The following ZNF385D variants were observed in gnomAD, a reference collection of about 807,000 sequenced individuals.
ZNF385D encodes zinc finger protein 659.
In ZNF385D, 15 loss-of-function variants were observed where a neutral mutation model predicts 35.8. That is an observed-to-expected ratio of 0.42 (90% confidence interval 0.28 to 0.64). The LOEUF (loss-of-function observed/expected upper bound fraction) is 0.64, where lower values mean the gene tolerates loss of function less well. ZNF385D is among the 30% of genes least tolerant of loss of function. The pLI is 0.23. For missense variants in ZNF385D, 474 were observed against 494.6 expected (o/e 0.96, Z 0.39); for synonymous variants, 212 against 186.8 (o/e 1.13, Z -1.10).
chr3:22,033,492 T>C (rs1016423536), intron 3 of ZNF385D, among the ~76,000 whole-genome samples: 3 of 151,198 alleles, frequency 2.0e-5, no homozygotes, highest in South Asian at 4.2e-4. Flanking sequence ...GGGAAATCTT[T>C]TTGAAGGAAA....
chr3:21,834,662 G>A (rs1168969931), intron 3 of ZNF385D, among the ~76,000 whole-genome samples: 1 of 152,060 alleles, frequency 6.6e-6, no homozygotes, highest in African/African-American at 2.4e-5. Context: ...GTTACTTAAC[G>A]CATATCCTAA....
chr3:22,304,729 T>G (rs1215234369), intron 2 of ZNF385D, among the ~76,000 whole-genome samples: 1 of 152,146 alleles, frequency 6.6e-6, no homozygotes, highest in East Asian at 1.9e-4. Context: ...ATATTTTTGT[T>G]GCTTATGTTG....
Position 21,425,505 on chromosome 3 carries a change from G to T in ZNF385D, c.839C>A (p.Thr280Lys), listed in dbSNP as rs370078943. 2 of 1,598,354 alleles carry T rather than the reference G, an allele frequency of 1.3e-6. No homozygotes were observed. The highest frequency in any genetic ancestry group is 1.1e-5 in the South Asian group (1 of 88,600). ...EICDVHVNSETQLKQHISSRR... is the reference protein window; with the variant it reads ...EICDVHVNSEKQLKQHISSRR... Reference sequence around the variant, plus strand: ...CGTGCTGTTTACCTGTTTAAGTTGCGTTTCCGAGTTGACGTGCACATCACA... The same window carrying T: ...CGTGCTGTTTACCTGTTTAAGTTGCTTTTCCGAGTTGACGTGCACATCACA... The change falls in exon 6 of 8, where the codon ACG becomes AAG. Residue 280 changes from threonine to lysine, a missense_variant. Thr to Lys is a moderately conservative substitution (Grantham distance 78). Coordinates refer to ENST00000281523, the MANE Select transcript of ZNF385D (RefSeq NM_024697.3).
chr3:21,907,467 G>C (rs963500915), intron 3 of ZNF385D, among the ~76,000 whole-genome samples: 30 of 152,052 alleles, frequency 2.0e-4, no homozygotes, highest in African/African-American at 6.7e-4. Context: ...GCATTCCACT[G>C]TGCACATGAC....
At chr3:21,445,744 T>A (rs1407040125) in intron 4 of ZNF385D, among the ~76,000 whole-genome samples, 1 of 152,296 alleles carries the variant, frequency 6.6e-6, no homozygotes, top group East Asian at 1.9e-4. Context: ...ATCAAATTTG[T>A]TAGGCATTTG....
intron 2 of ZNF385D, among the ~76,000 whole-genome samples, chr3:22,240,203 A>AC (rs1237241216): frequency 7.3e-6 from 1 of 136,204 alleles, no homozygotes; most frequent in Non-Finnish European, 1.6e-5. Context: ...AAAAAAAAAA[A>AC]GATTTCAGAC....
chr3:22,025,131 A>C (rs1232058941), intron 3 of ZNF385D, among the ~76,000 whole-genome samples: 6 of 152,262 alleles, frequency 3.9e-5, no homozygotes, highest in Middle Eastern at 3.4e-3. Context: ...GTAAATTCTG[A>C]TGAACACTTT....
intron 2 of ZNF385D, among the ~76,000 whole-genome samples, chr3:22,362,235 T>A (rs1696443281): frequency 6.6e-6 from 1 of 151,948 alleles, no homozygotes; most frequent in African/African-American, 2.4e-5. Flanking sequence ...TAATTTATGA[T>A]CTGAAAAGAG....
chr3:22,281,481 CT>C (rs542403704), intron 2 of ZNF385D, among the ~76,000 whole-genome samples: 55 of 152,138 alleles, frequency 3.6e-4, no homozygotes, highest in Middle Eastern at 6.8e-3. Context: ...TTTTCTGTGT[CT>C]ATTGAAATAA....
intron 1 of ZNF385D, among the ~76,000 whole-genome samples, chr3:21,743,593 C>CA (rs1164659188): frequency 6.6e-6 from 1 of 152,200 alleles, no homozygotes; most frequent in African/African-American, 2.4e-5. Flanking sequence ...GCTACAGCCT[C>CA]AAATGGTGGA....
At chr3:21,448,645 C>T (rs958740781) in intron 4 of ZNF385D, among the ~76,000 whole-genome samples, 1 of 152,142 alleles carries the variant, frequency 6.6e-6, no homozygotes, top group African/African-American at 2.4e-5. Context: ...ATTGTTAGAA[C>T]TGTTTGGAAA....
chr3:21,714,074 T>A (rs2068221224), intron 1 of ZNF385D, among the ~76,000 whole-genome samples: 1 of 152,200 alleles, frequency 6.6e-6, no homozygotes, highest in African/African-American at 2.4e-5. Flanking sequence ...CTTGGCTAAA[T>A]GAAATTCTGC....
chr3:21,774,260 G>A (rs1475564463), intron 3 of ZNF385D, among the ~76,000 whole-genome samples: 3 of 151,758 alleles, frequency 2.0e-5, no homozygotes, highest in Non-Finnish European at 4.4e-5. Context: ...CACACACGGG[G>A]GCCTGTCAGA....
At chr3:21,818,538 C>A (rs1336292974) in intron 3 of ZNF385D, among the ~76,000 whole-genome samples, 1 of 152,078 alleles carries the variant, frequency 6.6e-6, no homozygotes, top group East Asian at 1.9e-4. Context: ...GCCTATTTCT[C>A]AGAGAGATAT....
At chr3:22,208,437 C>A (rs1261152744) in intron 2 of ZNF385D, among the ~76,000 whole-genome samples, 1 of 151,054 alleles carries the variant, frequency 6.6e-6, no homozygotes, top group Admixed American at 6.6e-5. Context: ...TTACCAGAGG[C>A]TGGCAAGTGT....
chr3:21,457,335 T>TTTG (rs1263924727), intron 4 of ZNF385D, among the ~76,000 whole-genome samples: 11 of 115,932 alleles, frequency 9.5e-5, no homozygotes, highest in African/African-American at 1.9e-4. Context: ...AGAGTGGTTA[T>TTTG]TTGTTGTTGT....
At chr3:22,206,072 A>G (rs1260226886) in intron 2 of ZNF385D, among the ~76,000 whole-genome samples, 1 of 152,026 alleles carries the variant, frequency 6.6e-6, no homozygotes, top group Non-Finnish European at 1.5e-5. Context: ...TGCTGAAAAT[A>G]AAAGGATGGA....
intron 3 of ZNF385D, among the ~76,000 whole-genome samples, chr3:21,961,810 G>A (rs1345497844): frequency 6.6e-6 from 1 of 152,120 alleles, no homozygotes; most frequent in African/African-American, 2.4e-5. Context: ...AGAGTGCACT[G>A]GATGGGATGG....
rs763531476 is a variant in ZNF385D at position 21,745,475 on chromosome 3, C to T, written c.22+5420G>A. Reference sequence around the variant, plus strand: ...TCCAGCTGCTTCATAACGATTTTAACGCTGCGACAGAGCAAAGCATCTTCC... The same window carrying T: ...TCCAGCTGCTTCATAACGATTTTAATGCTGCGACAGAGCAAAGCATCTTCC... On this transcript the variant is annotated intron_variant, in intron 1 of 7. Transcript: ENST00000281523. Among the ~76,000 whole-genome samples the T allele has an allele frequency of 2.4e-4, 37 of 152,264 alleles. 2 individuals are homozygous for T. The highest frequency in any genetic ancestry group is 3.9e-4 in the Admixed American group (6 of 15,302).
Sources: gnomAD v4.1 joint callset for allele counts (sites outside exome capture counted in the v4.1 genomes callset) on GRCh38, gnomAD v4.1.1 for gene constraint, MANE v1.5 for transcripts, NCBI Gene and HGNC (gene_info 2026-07-23, HGNC 2026-07-21) for gene names.